PTPRF: variants seen among roughly 807,000 people sequenced by gnomAD.
PTPRF encodes protein tyrosine phosphatase receptor type F.
PTPRF carries 59 observed loss-of-function variants against 201.8 expected under a neutral mutation model. That is an observed-to-expected ratio of 0.29 (90% CI 0.24 to 0.36). The LOEUF is 0.36. Among genes scored for constraint, PTPRF ranks in the 10% least tolerant of loss-of-function variants. PTPRF has a pLI of 1.00. For synonymous variants in PTPRF, 1,088 were observed against 1,089.7 expected, an observed-to-expected ratio of 1.00 and a Z score of 0.03; for missense variants, 2,132 against 2,690.5, an observed-to-expected ratio of 0.79 and a Z score of 4.59.
intron 5 of PTPRF, among the ~76,000 whole-genome samples, chr1:43,557,758 G>A (rs1044397278): frequency 1.6e-4 from 24 of 152,154 alleles, no homozygotes; most frequent in Admixed American, 6.5e-4. Flanking sequence ...AGAGTGTGGC[G>A]CAAGTACCCA....
chr1:43,606,858 G>A lies in PTPRF; in HGVS notation c.3747G>A (p.Gln1249=). ...CCTACTCGGATGAGATCGTGGTCCAGGTGACACCAGCCCAGCAGCAGGAGG... is the reference window on the plus strand; with the variant it reads ...CCTACTCGGATGAGATCGTGGTCCAAGTGACACCAGCCCAGCAGCAGGAGG... ...SSPYSDEIVV[Q]VTPAQQQEEP... is the part of the protein sequence containing the mutation. Residue 1249 remains glutamine (Q), a synonymous_variant, in exon 21 of 34, where the codon CAG becomes CAA. Transcript: ENST00000359947. 1 of 1,614,134 alleles carries A rather than the reference G, an allele frequency of 6.2e-7. No homozygotes were observed. The highest frequency in any genetic ancestry group is 1.1e-5 in the South Asian group (1 of 91,086).
upstream of PTPRF, among the ~76,000 whole-genome samples, chr1:43,524,313 C>G (rs193166814): frequency 2.6e-5 from 4 of 151,978 alleles, no homozygotes; most frequent in African/African-American, 9.7e-5. Flanking sequence ...CTCTATAATT[C>G]GTCCATTAAA....
At position 43,619,110 on chromosome 1, in the gene PTPRF, A is replaced by C; in HGVS notation, c.4554A>C (p.Gly1518=). ...QFQFMAWPDH[G]VPEYPTPILA... ...AGTTCATGGCCTGGCCAGACCATGG[A>C]GTTCCTGAGTACCCAACTCCCATCC... The change falls in exon 27 of 34, where the codon GGA becomes GGC. Residue 1518 remains glycine (G), a synonymous_variant. Transcript: ENST00000359947. The C allele has an allele frequency of 6.2e-7, 1 of 1,613,786 alleles. No individual in the cohort carries two copies. Among genetic ancestry groups the C allele is most frequent in the East Asian group, 2.2e-5 (1 of 44,866 alleles).
chr1:43,603,398 C>G lies in PTPRF; in HGVS notation c.2341-18C>G. ...CCTGCATTCTTGTGATGGGAACGAA[C>G]CCCTCCTCCTCCCTCAGGAAACCAC... On this transcript the variant is annotated intron_variant, in intron 14 of 33. Coordinates refer to ENST00000359947, the MANE Select transcript of PTPRF (RefSeq NM_002840.5). This position sits in a 1 kb window ranked among gnomAD's most constrained non-coding sequence, Gnocchi z 5.8. 6.2e-7 allele frequency: 1 copy of G among 1,607,844 alleles called. No homozygotes were observed. Among genetic ancestry groups the G allele is most frequent in the Non-Finnish European group, 8.5e-7 (1 of 1,174,286 alleles).
chr1:43,592,835 C>T (rs1651188270), intron 11 of PTPRF, among the ~76,000 whole-genome samples: 1 of 152,130 alleles, frequency 6.6e-6, no homozygotes, highest in South Asian at 2.1e-4. Context: ...GCCTCCTGCC[C>T]CTCCTCCCGC....
rs1213060577 is a variant in PTPRF at position 43,532,724 on chromosome 1, C to T, written c.-126+1634C>T. ...CTTGCTTCAGGGAGCATGAAAATCC[C>T]TGTTTTTTTACTGATTATATGAATG... On this transcript the variant is annotated intron_variant, in intron 1 of 33. Transcript: ENST00000359947. 4 of 7,162 alleles carry T rather than the reference C, an allele frequency of 5.6e-4. No homozygotes were observed. In the Non-Finnish European group the frequency reaches 0.01, roughly 18 times the overall value. 0.4% of individuals were successfully genotyped at this position (7,162 alleles called of 1,614,324 possible).
intron 13 of PTPRF, among the ~76,000 whole-genome samples, chr1:43,601,147 G>A (rs1331293549): frequency 2.0e-5 from 3 of 152,236 alleles, no homozygotes; most frequent in Admixed American, 2.0e-4. Context: ...GAGGCCAGTG[G>A]ACAGAGGCCA....
intron 32 of PTPRF, 31 bp from the exon 33 acceptor site, chr1:43,621,066 G>A (rs1379513162): frequency 6.2e-7 from 1 of 1,612,018 alleles, no homozygotes; most frequent in Non-Finnish European, 8.5e-7. Flanking sequence ...GAGGCAAGCA[G>A]GACTCCTGAC....
chr1:43,591,290 G>A lies in PTPRF; in HGVS notation c.1268G>A (p.Arg423His), dbSNP rs1360467408. ...PSSPPRRVQARMLSASTMLVQ... is the reference protein window; with the variant it reads ...PSSPPRRVQAHMLSASTMLVQ... ...AGCCCACCGCGCCGCGTGCAGGCAC[G>A]CATGCTGAGCGCCAGCACCATGCTG... Residue 423 changes from arginine (R) to histidine (H), a missense_variant, in exon 9 of 34, where the codon CGC becomes CAC. Arg to His is a conservative substitution (Grantham distance 29). This residue lies in a region of PTPRF where 351 missense variants were observed against 401.7 expected (regional missense o/e 0.87). Transcript: ENST00000359947. 1.9e-6 allele frequency: 3 copies of A among 1,552,858 alleles called. No homozygotes were observed. Among genetic ancestry groups the A allele is most frequent in the East Asian group, 2.4e-5 (1 of 41,184 alleles).
At chr1:43,562,294 G>C (rs1375699993) in intron 5 of PTPRF, among the ~76,000 whole-genome samples, 1 of 152,166 alleles carries the variant, frequency 6.6e-6, no homozygotes, top group Non-Finnish European at 1.5e-5. Flanking sequence ...ATTTTTAGTA[G>C]AGATGGGGTT....
At chr1:43,597,707 A>G (rs1419942030) in intron 11 of PTPRF, 41 bp from the exon 12 acceptor site, 4 of 1,296,124 alleles carry the variant, frequency 3.1e-6, no homozygotes, top group Non-Finnish European at 4.3e-6. Context: ...TGTGATCCCC[A>G]CCCTCCATCT....
In PTPRF at chr1:43,579,029, C is replaced by G. The variant is rs759172425; in HGVS notation, c.679+109C>G. ...AGACACGCAAGGGACTGCCATGGGC[C>G]CAGTCTCTTCTCCTTCCTGCTTCTT... On this transcript the variant is annotated intron_variant, in intron 7 of 33. Coordinates refer to ENST00000359947, the MANE Select transcript of PTPRF (RefSeq NM_002840.5). 3.1e-6 allele frequency: 3 copies of G among 955,142 alleles called. No individual in the cohort carries two copies. The South Asian group carries it at 4.1e-5, about 13-fold the overall frequency. The allele number at this position is 955,142 out of a possible 1,614,324, so 59.2% of individuals were successfully genotyped here. A position where few individuals can be genotyped will look rare whatever the true frequency, so the allele number is the denominator to read the frequency against.
At chr1:43,525,641 C>A (rs1643076482), upstream of PTPRF, among the ~76,000 whole-genome samples, 1 of 151,568 alleles carries the variant, frequency 6.6e-6, no homozygotes, top group African/African-American at 2.4e-5. Context: ...CCCGTCTCTA[C>A]TAAAAAGACA....
At chr1:43,558,551 G>A (rs1645554005) in intron 5 of PTPRF, among the ~76,000 whole-genome samples, 1 of 152,206 alleles carries the variant, frequency 6.6e-6, no homozygotes, top group African/African-American at 2.4e-5. Context: ...GCTGTGATGA[G>A]CGTGGGGCCC....
At chr1:43,618,565 C>T in intron 25 of PTPRF, 65 bp from the exon 26 acceptor site, 2 of 1,554,996 alleles carry the variant, frequency 1.3e-6, no homozygotes, top group Non-Finnish European at 1.8e-6. Context: ...GACCAGCCTC[C>T]ACCCTGCTTC....
rs1330458020 is a variant in PTPRF at position 43,554,878 on chromosome 1, A to G, written c.379+937A>G. 1.9e-4 allele frequency among the ~76,000 whole-genome samples: 27 copies of G among 138,986 alleles called. No homozygotes were observed. The highest frequency in any genetic ancestry group is 2.9e-4 in the Non-Finnish European group (19 of 65,748). 91.2% of individuals were successfully genotyped at this position (138,986 alleles called of 152,430 possible). A position where few individuals can be genotyped will look rare whatever the true frequency, so the allele number is the denominator to read the frequency against. Reference sequence around the variant, plus strand: ...CTTTCTTTTTTTTTTTTTGAGATGCAGTCTCACTCTTGTTGCCCAGGCTGG... The same window carrying G: ...CTTTCTTTTTTTTTTTTTGAGATGCGGTCTCACTCTTGTTGCCCAGGCTGG... On this transcript the variant is annotated intron_variant, in intron 5 of 33. Coordinates refer to ENST00000359947, the MANE Select transcript of PTPRF (RefSeq NM_002840.5). The surrounding 1 kb of genome is among the most constrained non-coding windows in gnomAD (Gnocchi z 4.1).
At chr1:43,617,609 C>T in intron 24 of PTPRF, 41 bp downstream of exon 24, 1 of 1,612,346 alleles carries the variant, frequency 6.2e-7, no homozygotes, top group African/African-American at 1.3e-5. Context: ...TTGCTCTCCC[C>T]CTTGCTAGCT....
chr1:43,561,604 T>C (rs1645809032), intron 5 of PTPRF, among the ~76,000 whole-genome samples: 1 of 152,118 alleles, frequency 6.6e-6, no homozygotes. Context: ...CCTTAGCAAC[T>C]GAGGCATGAC....
Position 43,617,647 on chromosome 1 carries a change from G to T in PTPRF, c.4195+79G>T, listed in dbSNP as rs560274263. The T allele has an allele frequency of 3.7e-5, 60 of 1,604,656 alleles. No homozygotes were observed. The South Asian group carries it at 6.4e-4, about 17-fold the overall frequency. On this transcript the variant is annotated intron_variant, in intron 24 of 33. Coordinates refer to ENST00000359947, the MANE Select transcript of PTPRF (RefSeq NM_002840.5). ...GGCAACATGTCATTCTACAGAGGAT[G>T]TCCACGAGTCTCAGGGGTGCACTGA...
Sources: allele counts gnomAD v4.1 joint callset (sites outside exome capture counted in the v4.1 genomes callset), GRCh38; gene constraint gnomAD v4.1.1; regional missense constraint gnomAD v4.1.1; non-coding constraint Gnocchi (gnomAD v3.1); transcripts MANE v1.5; gene names NCBI Gene and HGNC (gene_info 2026-07-23, HGNC 2026-07-21).